The following DNER variants were observed in gnomAD, a reference collection of about 807,000 sequenced individuals.
DNER encodes the protein delta and Notch-like epidermal growth factor-related receptor.
In DNER, 33 loss-of-function variants were observed where a neutral mutation model predicts 78.2. The observed-to-expected ratio is 0.42, with a 90% confidence interval of 0.32 to 0.56. The LOEUF (loss-of-function observed/expected upper bound fraction) is 0.56, where lower values mean the gene tolerates loss of function less well. Ranked by LOEUF, DNER falls within the 20% of genes least tolerant of loss-of-function variation. The pLI is 0.11. For missense variants in DNER, 918 were observed against 975.3 expected (o/e 0.94, Z 0.78); for synonymous variants, 417 against 384.8 (o/e 1.08, Z -0.98).
rs111209774 is a variant in DNER, at chr2:229,564,434, A to C, written c.848-17342T>G. ...TCATCACACCATCACCATCATCATC[A>C]TCATCCTCATCCCATCACCATCATC... On this transcript the variant is annotated intron_variant, in intron 4 of 12. Coordinates refer to ENST00000341772, the MANE Select transcript of DNER (RefSeq NM_139072.4). Among the ~76,000 whole-genome samples the C allele has an allele frequency of 7.2e-3, 1,052 of 146,194 alleles. 19 individuals are homozygous for C. Among genetic ancestry groups the C allele is most frequent in the African/African-American group, 0.026 (1,012 of 38,588 alleles).
intron 5 of DNER, 87 bp downstream of exon 5, chr2:229,546,860 G>A (rs2154213214): frequency 1.9e-6 from 3 of 1,551,300 alleles, no homozygotes; most frequent in African/African-American, 2.7e-5. Context: ...GGATGAAAGG[G>A]GTAAGAACAC....
intron 1 of DNER, among the ~76,000 whole-genome samples, chr2:229,676,713 G>A (rs1015445948): frequency 1.1e-4 from 16 of 152,140 alleles, no homozygotes; most frequent in African/African-American, 3.4e-4. Context: ...AAATGGCTAG[G>A]GGCAGGAAAC....
At chr2:229,531,045 T>C (rs1371165862) in intron 5 of DNER, among the ~76,000 whole-genome samples, 1 of 152,172 alleles carries the variant, frequency 6.6e-6, no homozygotes, top group Non-Finnish European at 1.5e-5. Flanking sequence ...AATATTAGGG[T>C]ACCATCTTCT....
chr2:229,404,003 C>A (rs1302930870), intron 10 of DNER, among the ~76,000 whole-genome samples: 1 of 152,030 alleles, frequency 6.6e-6, no homozygotes, highest in Non-Finnish European at 1.5e-5. Context: ...GATGATCATG[C>A]ATAAGGTCTC....
intron 11 of DNER, among the ~76,000 whole-genome samples, chr2:229,387,863 CTGTGTGTGTGTGTG>C (rs34029070): frequency 4.1e-5 from 5 of 120,572 alleles, no homozygotes; most frequent in African/African-American, 1.1e-4. Context: ...AATTTGCATT[CTGTGTGTGTGTGTG>C]TGTGTGTGTG....
At chr2:229,698,231 GA>G (rs1194345745) in intron 1 of DNER, among the ~76,000 whole-genome samples, 1 of 151,746 alleles carries the variant, frequency 6.6e-6, no homozygotes, top group African/African-American at 2.4e-5. Context: ...AACAATAAAA[GA>G]AAAAAAATGT....
intron 1 of DNER, among the ~76,000 whole-genome samples, chr2:229,623,124 G>T (rs1224457127): frequency 1.3e-5 from 2 of 151,952 alleles, no homozygotes; most frequent in African/African-American, 4.8e-5. Flanking sequence ...TGAGACTCTC[G>T]CAGACCTCAT....
intron 6 of DNER, among the ~76,000 whole-genome samples, chr2:229,484,976 T>C (rs889582129): frequency 1.3e-5 from 2 of 152,216 alleles, no homozygotes; most frequent in Non-Finnish European, 2.9e-5. Flanking sequence ...TCAAAGCCGT[T>C]GTAAAATACA....
chr2:229,524,462 T>C (rs1375739681), intron 5 of DNER, among the ~76,000 whole-genome samples: 1 of 151,712 alleles, frequency 6.6e-6, no homozygotes, highest in Non-Finnish European at 1.5e-5. Context: ...AACAAAGGAG[T>C]CAGTGCAGAC....
At chr2:229,486,273 A>C (rs1042672464) in intron 6 of DNER, among the ~76,000 whole-genome samples, 2 of 152,146 alleles carry the variant, frequency 1.3e-5, no homozygotes, top group Non-Finnish European at 2.9e-5. Flanking sequence ...ACAAACACAA[A>C]CAGGATTTAA....
chr2:229,496,654 C>T (rs1695509155), intron 6 of DNER, among the ~76,000 whole-genome samples: 1 of 151,838 alleles, frequency 6.6e-6, no homozygotes, highest in Admixed American at 6.6e-5. Flanking sequence ...AGGGATAGCT[C>T]CACTTAAATA....
At chr2:229,600,269 TAC>T (rs1211750786) in intron 1 of DNER, among the ~76,000 whole-genome samples, 4 of 152,212 alleles carry the variant, frequency 2.6e-5, no homozygotes, top group Non-Finnish European at 5.9e-5. Flanking sequence ...GCTTTTGCAA[TAC>T]ACCAGCAGTT....
intron 5 of DNER, among the ~76,000 whole-genome samples, chr2:229,517,120 A>G (rs146336132): frequency 0.024 from 3,661 of 151,474 alleles, 169 homozygotes; most frequent in African/African-American, 0.084. Flanking sequence ...AAAAAAAAAA[A>G]AAAAAAAGAA....
At chr2:229,372,802 G>A (rs1449177632) in intron 11 of DNER, among the ~76,000 whole-genome samples, 3 of 152,112 alleles carry the variant, frequency 2.0e-5, no homozygotes, top group African/African-American at 7.2e-5. Flanking sequence ...CATGGAGACA[G>A]AGAGAGGGGA....
rs146653305 is a variant in DNER, at chr2:229,362,783, T to C, written c.2102+4090A>G. Among the ~76,000 whole-genome samples the C allele has an allele frequency of 2.6e-4, 39 of 152,312 alleles. No homozygotes were observed. The East Asian group carries it at 6.9e-3, about 27-fold the overall frequency. The stretch of plus-strand genomic sequence containing the variant: ...CCAGTAATATCAGTTAGCACGGACA[T>C]CTCAAACATCCTATTTGGTGACAAG... On this transcript the variant is annotated intron_variant, in intron 12 of 12. Transcript: ENST00000341772.
intron 10 of DNER, among the ~76,000 whole-genome samples, chr2:229,389,927 T>C (rs376374374): frequency 4.0e-4 from 61 of 152,336 alleles, no homozygotes; most frequent in African/African-American, 1.3e-3. Context: ...GAAAAAAACA[T>C]GAAATTGATT....
chr2:229,504,038 C>T (rs1695682061), intron 6 of DNER, among the ~76,000 whole-genome samples: 2 of 151,874 alleles, frequency 1.3e-5, no homozygotes, highest in Non-Finnish European at 2.9e-5. Flanking sequence ...ACTACCGTGC[C>T]CAGCTGAGTT....
chr2:229,545,955 A>G (rs184458445), intron 5 of DNER, among the ~76,000 whole-genome samples: 42 of 152,350 alleles, frequency 2.8e-4, no homozygotes, highest in Admixed American at 8.5e-4. Context: ...CAAAACGGGT[A>G]AGTGAATGAC....
At chr2:229,461,783 T>C (rs1349177279) in intron 7 of DNER, among the ~76,000 whole-genome samples, 4 of 151,954 alleles carry the variant, frequency 2.6e-5, no homozygotes, top group Non-Finnish European at 4.4e-5. Flanking sequence ...AGCAGAAAGA[T>C]GAACATAGTG....
Sources: allele counts gnomAD v4.1 joint callset (sites outside exome capture counted in the v4.1 genomes callset), GRCh38; gene constraint gnomAD v4.1.1; transcripts MANE v1.5; gene names NCBI Gene and HGNC (gene_info 2026-07-23, HGNC 2026-07-21).